PDRG1: variants seen among roughly 807,000 people sequenced by gnomAD.
The protein encoded by PDRG1 is p53 and DNA damage-regulated protein 1.
Under a neutral mutation model 18.4 loss-of-function variants are expected in PDRG1, and 14 were observed. That is an observed-to-expected ratio of 0.76 (90% CI 0.50 to 1.19). The LOEUF is 1.19. PDRG1 is among the 50% of genes most tolerant of loss of function. The pLI is 0.00. For missense variants in PDRG1, 177 were observed against 160.1 expected (o/e 1.11, Z -0.57); for synonymous variants, 65 against 60.9 (o/e 1.07, Z -0.31).
At position 31,946,594 on chromosome 20, in the gene PDRG1, G is replaced by A. The variant is rs759722983; in HGVS notation, c.239-18C>T. The stretch of plus-strand genomic sequence containing the variant: ...ATCTTGATCTGAAAAAATGAGGGGG[G>A]CAAGCAGAGGATAAGATTGTACCAG... On this transcript the variant is annotated intron_variant, in intron 3 of 4. Coordinates refer to ENST00000202017, the MANE Select transcript of PDRG1 (RefSeq NM_030815.3). The A allele has an allele frequency of 5.0e-6, 8 of 1,586,368 alleles. 1 individual carries two copies. The South Asian group carries it at 6.6e-5, about 13-fold the overall frequency.
intron 1 of PDRG1, 108 bp from the exon 2 acceptor site, chr20:31,950,495 A>G: frequency 1.3e-6 from 1 of 799,652 alleles, no homozygotes; most frequent in South Asian, 1.5e-5. Flanking sequence ...ATTACATTCA[A>G]CGTCCTGCCT....
rs749744129 is a variant in PDRG1 at position 31,950,356 on chromosome 20, T to G, written c.119A>C (p.Asn40Thr). 6 of 1,613,078 alleles carry G rather than the reference T, an allele frequency of 3.7e-6. No individual in the cohort carries two copies. In the African/African-American group the frequency reaches 8.0e-5, roughly 22 times the overall value. ...IVDLDTKRNQ[N>T]REGLRALQKD... Reference sequence around the variant, plus strand: ...CTGCAGGGCCCTCAGGCCCTCTCGATTCTGATTCCTTTTAGTGTCCAGGTC... The same window carrying G: ...CTGCAGGGCCCTCAGGCCCTCTCGAGTCTGATTCCTTTTAGTGTCCAGGTC... The change falls in exon 2 of 5, where the codon AAT becomes ACT. Residue 40 changes from asparagine (N) to threonine (T), a missense_variant. Coordinates refer to ENST00000202017, the MANE Select transcript of PDRG1 (RefSeq NM_030815.3).
chr20:31,946,240 T>C (rs1056353762), intron 4 of PDRG1, among the ~76,000 whole-genome samples: 1 of 152,170 alleles, frequency 6.6e-6, no homozygotes, highest in African/African-American at 2.4e-5. Flanking sequence ...CATGCCCCGA[T>C]GTATAACGTG....
chr20:31,949,258 G>C (rs1403793058), intron 2 of PDRG1, among the ~76,000 whole-genome samples: 3 of 152,202 alleles, frequency 2.0e-5, no homozygotes, highest in Non-Finnish European at 2.9e-5. Context: ...GCAAAGATCA[G>C]TAGTGTGCTT....
In PDRG1 at chr20:31,945,557, G is replaced by C. The variant is rs1231013502; in HGVS notation, c.*250C>G. 3 of 410,720 alleles carry C rather than the reference G, an allele frequency of 7.3e-6. No individual in the cohort carries two copies. The highest frequency in any genetic ancestry group is 1.3e-5 in the Non-Finnish European group (3 of 226,892). 25.4% of individuals were successfully genotyped at this position (410,720 alleles called of 1,614,324 possible). ...CCACTGCCCCACACACCCACTGGTG[G>C]CTACCAAGGCCCGTCAATAGATCTT... On this transcript the variant is annotated 3_prime_UTR_variant, in exon 5 of 5. Transcript: ENST00000202017.
Position 31,948,923 on chromosome 20 carries a change from G to T in PDRG1, c.164-41C>A. 4 of 1,565,584 alleles carry T rather than the reference G, an allele frequency of 2.6e-6. No homozygotes were observed. The South Asian group carries it at 4.5e-5, about 18-fold the overall frequency. ...GTAATTCCTTCAACAATTTTTTTTT[G>T]AGTACCTATTATCTGCCAGGCATTG... On this transcript the variant is annotated intron_variant, in intron 2 of 4. Coordinates refer to ENST00000202017, the MANE Select transcript of PDRG1 (RefSeq NM_030815.3).
intron 1 of PDRG1, 57 bp from the exon 2 acceptor site, chr20:31,950,444 T>G: frequency 1.5e-6 from 2 of 1,331,110 alleles, no homozygotes; most frequent in Non-Finnish European, 2.2e-6. Context: ...AGCTGTCACC[T>G]CTTGACAGAC....
chr20:31,950,235 C>G, intron 2 of PDRG1, 77 bp downstream of exon 2: 1 of 1,122,880 alleles, frequency 8.9e-7, no homozygotes, highest in South Asian at 1.3e-5. Context: ...TGCCTGATCT[C>G]TATCAGGAAC....
intron 4 of PDRG1, among the ~76,000 whole-genome samples, 172 bp from the exon 5 acceptor site, chr20:31,946,061 TCACCAAGAGCCTG>T (rs923360584): frequency 6.6e-6 from 1 of 152,172 alleles, no homozygotes; most frequent in Non-Finnish European, 1.5e-5. Flanking sequence ...TGCTCCTGTG[TCACCAAGAGCCTG>T]CAAACGCGTA....
Position 31,948,666 on chromosome 20 carries a change from G to A in PDRG1, c.238+142C>T, listed in dbSNP as rs186625351. On this transcript the variant is annotated intron_variant, in intron 3 of 4. Coordinates refer to ENST00000202017, the MANE Select transcript of PDRG1 (RefSeq NM_030815.3). ...GAAATAACCCACAGTGGCAGAGGTG[G>A]AATTAAAACCCACAGCAGTCTGAAC... is the stretch of plus-strand genomic sequence containing the variant. 6.4e-4 allele frequency: 455 copies of A among 710,584 alleles called. 2 individuals are homozygous for A. The highest frequency in any genetic ancestry group is 8.3e-4 in the Non-Finnish European group (347 of 419,068). 44.0% of individuals were successfully genotyped at this position (710,584 alleles called of 1,614,324 possible). A position where few individuals can be genotyped will look rare whatever the true frequency, so the allele number is the denominator to read the frequency against.
intron 2 of PDRG1, among the ~76,000 whole-genome samples, chr20:31,949,429 G>A (rs1361246897): frequency 1.3e-5 from 2 of 152,156 alleles, no homozygotes; most frequent in Non-Finnish European, 2.9e-5. Context: ...AAAATTAGCT[G>A]GGTGTGGTGG....
chr20:31,948,759 G>A (rs1267907141), intron 3 of PDRG1, 49 bp downstream of exon 3: 2 of 1,538,238 alleles, frequency 1.3e-6, no homozygotes, highest in African/African-American at 1.4e-5. Context: ...TAAGACCAAA[G>A]CTGGTGGGAG....
At chr20:31,949,066 A>G (rs2064335955) in intron 2 of PDRG1, among the ~76,000 whole-genome samples, 184 bp from the exon 3 acceptor site, 2 of 152,252 alleles carry the variant, frequency 1.3e-5, no homozygotes, top group Non-Finnish European at 1.5e-5. Context: ...GTTGTAGAGA[A>G]AAATAAAGCA....
rs2064291393 is a variant in PDRG1, at chr20:31,944,723, G to C, written c.*1084C>G. 1 of 152,194 alleles carries C rather than the reference G, an allele frequency of 6.6e-6. No homozygotes were observed. Among genetic ancestry groups the C allele is most frequent in the Admixed American group, 6.5e-5 (1 of 15,282 alleles). The allele number at this position is 152,194 out of a possible 1,614,324, so 9.4% of individuals were successfully genotyped here. ...ACAACCCATATGTCTAGCTTCTCTT[G>C]AAAACACGTAAGAACTGGCCATGAC... On this transcript the variant is annotated 3_prime_UTR_variant, in exon 5 of 5. Coordinates refer to ENST00000202017, the MANE Select transcript of PDRG1 (RefSeq NM_030815.3).
intron 3 of PDRG1, among the ~76,000 whole-genome samples, chr20:31,947,904 A>AC (rs1159599640): frequency 1.3e-5 from 2 of 152,084 alleles, no homozygotes; most frequent in African/African-American, 4.8e-5. Flanking sequence ...AAAAAAAAAA[A>AC]AGTTTTATTT....
At chr20:31,950,928 G>A (rs1182824763) in intron 1 of PDRG1, among the ~76,000 whole-genome samples, 3 of 152,182 alleles carry the variant, frequency 2.0e-5, no homozygotes, top group African/African-American at 7.2e-5. Flanking sequence ...CCTGCTATCT[G>A]CCTCAAGCTG....
chr20:31,947,597 T>G (rs1446179422), intron 3 of PDRG1, among the ~76,000 whole-genome samples: 1 of 152,214 alleles, frequency 6.6e-6, no homozygotes, highest in African/African-American at 2.4e-5. Flanking sequence ...TGTTAGTAGT[T>G]TTATGTCACT....
chr20:31,950,319 G>T lies in PDRG1; in HGVS notation c.156C>A (p.Ser52Arg). Residue 52 changes from serine to arginine, a missense_variant, in exon 2 of 5, where the codon AGC (serine) becomes AGA (arginine). Ser to Arg is a moderately radical substitution (Grantham distance 110). Transcript: ENST00000202017. ...GAGAAAATTTCAACTTACCAGAGAGGCTGAGATCCTTCTGCAGGGCCCTCA... is the reference window on the plus strand; with the variant it reads ...GAGAAAATTTCAACTTACCAGAGAGTCTGAGATCCTTCTGCAGGGCCCTCA... ...EGLRALQKDL[S>R]LSEDVMVCFG... The T allele has an allele frequency of 6.2e-7, 1 of 1,608,032 alleles. No individual in the cohort carries two copies. The highest frequency in any genetic ancestry group is 1.1e-5 in the South Asian group (1 of 90,946).
intron 1 of PDRG1, among the ~76,000 whole-genome samples, chr20:31,950,842 C>A (rs1313930136): frequency 6.6e-6 from 1 of 152,132 alleles, no homozygotes; most frequent in South Asian, 2.1e-4. Flanking sequence ...AACACAATAG[C>A]TACTAAGGAA....
Sources: gnomAD v4.1 joint callset for allele counts (sites outside exome capture counted in the v4.1 genomes callset) on GRCh38, gnomAD v4.1.1 for gene constraint, MANE v1.5 for transcripts, NCBI Gene and HGNC (gene_info 2026-07-23, HGNC 2026-07-21) for gene names.